The following KLHDC8A variants were observed in gnomAD, a reference collection of about 807,000 sequenced individuals.
KLHDC8A encodes the protein kelch domain containing 8A, also known as kelch domain-containing protein 8A.
A neutral mutation model predicts 33.1 loss-of-function variants in KLHDC8A; 21 were observed. The observed-to-expected ratio is 0.64, with a 90% CI of 0.45 to 0.91. The LOEUF is 0.91. KLHDC8A is among the 40% of genes least tolerant of loss of function. The pLI is 0.00. For synonymous variants in KLHDC8A, 173 were observed against 193.5 expected (o/e 0.89, Z 0.88); for missense variants, 435 against 483.3 (o/e 0.90, Z 0.94).
chr1:205,338,680 G>C, intron 4 of KLHDC8A, 84 bp from the exon 5 acceptor site: 3 of 1,076,334 alleles, frequency 2.8e-6, no homozygotes, highest in Non-Finnish European at 4.3e-6. Flanking sequence ...GGCCCAAATA[G>C]CTTTCACCCT....
Position 205,337,567 on chromosome 1 carries a change from C to T in KLHDC8A, c.885G>A (p.Thr295=), listed in dbSNP as rs10127895. Residue 295 remains threonine (T), a synonymous_variant, in exon 6 of 6, where the codon ACG becomes ACA. Coordinates refer to ENST00000367155, the MANE Select transcript of KLHDC8A (RefSeq NM_018203.3). ...TCTTCCCTGGGTGGAATGCTTCCGC[C>T]GTCTCCAGGACAGTGGGTTGATTCC... is the stretch of plus-strand genomic sequence containing the variant. ...GLGNQPTVLE[T]AEAFHPGKNK... 1.9e-3 allele frequency: 3,106 copies of T among 1,613,006 alleles called. 53 individuals are homozygous for T. In the African/African-American group the frequency reaches 0.036, roughly 19 times the overall value.
intron 1 of KLHDC8A, among the ~76,000 whole-genome samples, chr1:205,350,487 C>A (rs1157192220): frequency 2.0e-5 from 3 of 152,084 alleles, no homozygotes; most frequent in Non-Finnish European, 4.4e-5. Flanking sequence ...TAATCTTCAC[C>A]CCTTCTCAAG....
At position 205,343,265 on chromosome 1, in the gene KLHDC8A, GCA is replaced by G. The variant is rs761354509; in HGVS notation, c.338_339del (p.Leu113ProfsTer2). ...DEGKWKKRSM[L>X]REAAMGISVT... ...ACAGAAATGCCCATGGCGGCCTCACGCAGCATGCTCCTCTTCTTCCACTTGCC... is the reference window on the plus strand; with the variant it reads ...ACAGAAATGCCCATGGCGGCCTCACGGCATGCTCCTCTTCTTCCACTTGCC... On this transcript the variant is annotated frameshift_variant, in exon 2 of 6. Transcript: ENST00000367155. LOFTEE classifies it high-confidence loss of function. 6.2e-6 allele frequency: 10 copies of G among 1,603,736 alleles called. No individual in the cohort carries two copies. Among genetic ancestry groups the G allele is most frequent in the Non-Finnish European group, 8.5e-6 (10 of 1,172,694 alleles).
intron 1 of KLHDC8A, among the ~76,000 whole-genome samples, chr1:205,351,860 G>C (rs930307666): frequency 2.0e-5 from 3 of 151,558 alleles, no homozygotes; most frequent in Non-Finnish European, 2.9e-5. Context: ...TGGAGGTTGC[G>C]GTGAGCTGAG....
At position 205,338,475 on chromosome 1, in the gene KLHDC8A, C is replaced by T. The variant is rs769035899; in HGVS notation, c.859+20G>A. On this transcript the variant is annotated intron_variant, in intron 5 of 5. Transcript: ENST00000367155. ...GCACCAGAACCACAATAAATTCCAG[C>T]GTGAAAGCGCCATCCTTACCAAGTC... is the stretch of plus-strand genomic sequence containing the variant. 18 of 1,582,166 alleles carry T rather than the reference C, an allele frequency of 1.1e-5. No homozygotes were observed. The highest frequency in any genetic ancestry group is 1.7e-4 in the Middle Eastern group (1 of 6,006).
At position 205,339,255 on chromosome 1, in the gene KLHDC8A, T is replaced by C; in HGVS notation, c.696A>G (p.Gln232=). The C allele has an allele frequency of 6.2e-7, 1 of 1,614,194 alleles. No homozygotes were observed. The highest frequency in any genetic ancestry group is 2.2e-5 in the East Asian group (1 of 44,868). ...NHLYSLGGLR[Q]GRLYRQPKFL... is the part of the protein sequence containing the mutation. ...ACTTGGGCTGCCGGTAGAGGCGACC[T>C]TGCCGCAGGCCTCCTAGGCTGTACA... Residue 232 remains glutamine (Q), a synonymous_variant, in exon 4 of 6, where the codon CAA becomes CAG. Coordinates refer to ENST00000367155, the MANE Select transcript of KLHDC8A (RefSeq NM_018203.3). The surrounding 1 kb of genome is among the most constrained non-coding windows in gnomAD (Gnocchi z 5.1).
chr1:205,343,151 CCT>C lies in KLHDC8A; in HGVS notation c.376+76_376+77del, dbSNP rs1662835082. On this transcript the variant is annotated intron_variant, in intron 2 of 5. Coordinates refer to ENST00000367155, the MANE Select transcript of KLHDC8A (RefSeq NM_018203.3). Reference sequence around the variant, plus strand: ...TAAACTCCACAGCCCACAGCAAATGCCTGTTGGTTTCCATCTGTTTCCCTCCT... The same window carrying C: ...TAAACTCCACAGCCCACAGCAAATGCGTTGGTTTCCATCTGTTTCCCTCCT... The C allele has an allele frequency of 2.0e-6, 3 of 1,512,764 alleles. No homozygotes were observed. In the East Asian group the frequency reaches 6.8e-5, roughly 35 times the overall value. 93.7% of individuals were successfully genotyped at this position (1,512,764 alleles called of 1,614,324 possible). A position where few individuals can be genotyped will look rare whatever the true frequency, so the allele number is the denominator to read the frequency against.
At chr1:205,351,598 TAGTCA>T in intron 1 of KLHDC8A, 5 of 217,858 alleles carry the variant, frequency 2.3e-5, no homozygotes, top group Non-Finnish European at 3.9e-5. Flanking sequence ...ACTTCTGTAA[TAGTCA>T]AAAAAAAAAA....
intron 4 of KLHDC8A, 64 bp from the exon 5 acceptor site, chr1:205,338,660 T>G: frequency 7.3e-6 from 10 of 1,362,636 alleles, no homozygotes; most frequent in Non-Finnish European, 9.4e-6. Flanking sequence ...TCCCACCAAA[T>G]GCAGATTGTG....
chr1:205,337,687 G>T, intron 5 of KLHDC8A, 95 bp from the exon 6 acceptor site: 1 of 839,796 alleles, frequency 1.2e-6, no homozygotes, highest in Non-Finnish European at 1.9e-6. Flanking sequence ...GCACCCACAA[G>T]CAGAAGCCAA....
Position 205,339,242 on chromosome 1 carries a change from G to A in KLHDC8A, c.709C>T (p.Arg237Trp), listed in dbSNP as rs140745821. The A allele has an allele frequency of 6.9e-5, 112 of 1,614,060 alleles. No homozygotes were observed. In the South Asian group the frequency reaches 8.8e-4, roughly 13 times the overall value. Reference protein sequence around the residue: ...LGGLRQGRLYRQPKFLRTMDV... With the variant: ...LGGLRQGRLYWQPKFLRTMDV... ...ATCGTCCGCAGGAACTTGGGCTGCC[G>A]GTAGAGGCGACCTTGCCGCAGGCCT... Residue 237 changes from arginine (R) to tryptophan (W), a missense_variant, in exon 4 of 6, where the codon CGG becomes TGG. Coordinates refer to ENST00000367155, the MANE Select transcript of KLHDC8A (RefSeq NM_018203.3). The surrounding 1 kb of genome is among the most constrained non-coding windows in gnomAD (Gnocchi z 5.1).
intron 1 of KLHDC8A, chr1:205,344,306 A>T (rs2102288110): frequency 6.6e-6 from 1 of 152,460 alleles, no homozygotes; most frequent in Admixed American, 6.5e-5. Context: ...AGGAAGGAGA[A>T]GCGGAGCCGC....
chr1:205,351,172 A>G, intron 1 of KLHDC8A: 1 of 728,112 alleles, frequency 1.4e-6, no homozygotes, highest in Non-Finnish European at 2.5e-6. Flanking sequence ...CATAGCATAT[A>G]TTGGGCTTTT....
chr1:205,338,440 G>T, intron 5 of KLHDC8A, 55 bp downstream of exon 5: 1 of 1,362,842 alleles, frequency 7.3e-7, no homozygotes, highest in East Asian at 2.3e-5. Context: ...AAGTGCCAAG[G>T]ATCCACTGAG....
At chr1:205,344,987 T>C (rs1439265207) in intron 1 of KLHDC8A, among the ~76,000 whole-genome samples, 1 of 152,168 alleles carries the variant, frequency 6.6e-6, no homozygotes, top group East Asian at 1.9e-4. Context: ...ATCTCCGTCC[T>C]CGGCACCAAC....
At chr1:205,351,730 T>C (rs9793528) in intron 1 of KLHDC8A, among the ~76,000 whole-genome samples, 62,237 of 151,028 alleles carry the variant, frequency 0.41, 13,134 homozygotes, top group African/African-American at 0.5. Flanking sequence ...ACCAGCCTGA[T>C]CAACATGGAG....
rs976558375 is a variant in KLHDC8A at position 205,356,667 on chromosome 1, G to A, written c.-324C>T. On this transcript the variant is annotated 5_prime_UTR_variant, in exon 1 of 6. Coordinates refer to ENST00000367155, the MANE Select transcript of KLHDC8A (RefSeq NM_018203.3). The stretch of plus-strand genomic sequence containing the variant: ...GCTGGCTGGGAATAGAGTCGGCAAG[G>A]TCCCCAGGGTCCCCAGGGCTTCCTC... 1 of 441,914 alleles carries A rather than the reference G, an allele frequency of 2.3e-6. No individual in the cohort carries two copies. Among genetic ancestry groups the A allele is most frequent in the Non-Finnish European group, 4.5e-6 (1 of 220,152 alleles). The allele number at this position is 441,914 out of a possible 1,614,324, so 27.4% of individuals were successfully genotyped here. A position where few individuals can be genotyped will look rare whatever the true frequency, so the allele number is the denominator to read the frequency against.
chr1:205,338,445 A>G (rs770030960), intron 5 of KLHDC8A, 50 bp downstream of exon 5: 1 of 1,424,066 alleles, frequency 7.0e-7, no homozygotes, highest in Non-Finnish European at 9.9e-7. Flanking sequence ...CCAAGGATCC[A>G]CTGAGCACCA....
intron 2 of KLHDC8A, 148 bp downstream of exon 2, chr1:205,343,081 T>G (rs1035459007): frequency 2.8e-5 from 31 of 1,107,702 alleles, no homozygotes; most frequent in Admixed American, 1.2e-4. Context: ...CGGCGGGAGG[T>G]GCAGGCATTT....
Sources: allele counts gnomAD v4.1 joint callset (sites outside exome capture counted in the v4.1 genomes callset), GRCh38; gene constraint gnomAD v4.1.1; non-coding constraint Gnocchi (gnomAD v3.1); transcripts MANE v1.5; gene names NCBI Gene and HGNC (gene_info 2026-07-23, HGNC 2026-07-21).